The following HCN1 variants were observed in gnomAD, a reference collection of about 807,000 sequenced individuals.
The protein encoded by HCN1 is hyperpolarization activated cyclic nucleotide gated potassium channel 1, also known as potassium/sodium hyperpolarization-activated cyclic nucleotide-gated channel 1.
In HCN1, 13 loss-of-function variants were observed where a neutral mutation model predicts 78.9. That is an observed-to-expected ratio of 0.16 (90% CI 0.11 to 0.26). The LOEUF is 0.26. Among genes scored for constraint, HCN1 ranks in the 10% least tolerant of loss-of-function variants. The pLI is 1.00. For missense variants in HCN1, 810 were observed against 1,154.3 expected (o/e 0.70, Z 4.32); for synonymous variants, 552 against 455.5 (o/e 1.21, Z -2.70).
At chr5:45,496,721 T>C (rs910567014) in intron 2 of HCN1, among the ~76,000 whole-genome samples, 3 of 152,104 alleles carry the variant, frequency 2.0e-5, no homozygotes, top group African/African-American at 7.2e-5. Flanking sequence ...CTGCTCTGAT[T>C]TTAGTTATTT....
Position 45,645,472 on chromosome 5 carries a change from A to G in HCN1, c.562T>C (p.Leu188=). The G allele has an allele frequency of 1.2e-6, 2 of 1,613,712 alleles. No homozygotes were observed. Among genetic ancestry groups the G allele is most frequent in the Non-Finnish European group, 8.5e-7 (1 of 1,179,756 alleles). Residue 188 remains leucine, a synonymous_variant, in exon 2 of 8, where the codon TTG becomes CTG. Transcript: ENST00000303230. ...GTCCTAAAATTCATGATCAGGTCCA[A>G]TAGGAAAACTGTATCTGATGCCACA... is the stretch of plus-strand genomic sequence containing the variant. ...FNVASDTVFL[L]DLIMNFRTGT... is the part of the protein sequence containing the mutation.
At chr5:45,374,831 T>C (rs954807753) in intron 4 of HCN1, among the ~76,000 whole-genome samples, 6 of 147,348 alleles carry the variant, frequency 4.1e-5, no homozygotes, top group African/African-American at 1.5e-4. Context: ...GATAGATAGA[T>C]ATCTTTTTCT....
chr5:45,599,775 A>G, intron 2 of HCN1, among the ~76,000 whole-genome samples: 1 of 151,898 alleles, frequency 6.6e-6, no homozygotes, highest in African/African-American at 2.4e-5. Flanking sequence ...TTATCAATTA[A>G]GTTGTCTCTG....
chr5:45,478,166 T>C (rs565550747), intron 2 of HCN1, among the ~76,000 whole-genome samples: 89 of 152,062 alleles, frequency 5.9e-4, no homozygotes, highest in African/African-American at 2.0e-3. Context: ...AAAAAATTCA[T>C]ATACTTTGAA....
At chr5:45,411,932 T>C (rs1280606356) in intron 3 of HCN1, among the ~76,000 whole-genome samples, 1 of 152,124 alleles carries the variant, frequency 6.6e-6, no homozygotes, top group East Asian at 1.9e-4. Flanking sequence ...AATTATAATT[T>C]AATCAAGCAG....
chr5:45,346,867 T>C (rs1278075476), intron 5 of HCN1, among the ~76,000 whole-genome samples: 2 of 152,134 alleles, frequency 1.3e-5, no homozygotes, highest in Non-Finnish European at 2.9e-5. Flanking sequence ...CCGGGAAGCT[T>C]GAACTGGGTG....
At chr5:45,372,157 G>A (rs1747401446) in intron 4 of HCN1, among the ~76,000 whole-genome samples, 4 of 56,808 alleles carry the variant, frequency 7.0e-5, no homozygotes, top group African/African-American at 1.5e-4. Context: ...TATATAATAT[G>A]TTATTATATA....
At chr5:45,523,582 GT>G (rs1243265690) in intron 2 of HCN1, among the ~76,000 whole-genome samples, 1 of 152,132 alleles carries the variant, frequency 6.6e-6, no homozygotes, top group Non-Finnish European at 1.5e-5. Flanking sequence ...TCTCATTGTG[GT>G]TTTGATTTGC....
At chr5:45,515,289 T>C (rs1306982092) in intron 2 of HCN1, among the ~76,000 whole-genome samples, 1 of 151,990 alleles carries the variant, frequency 6.6e-6, no homozygotes, top group African/African-American at 2.4e-5. Flanking sequence ...TCAGAAGGTA[T>C]ACTATAATAC....
At chr5:45,508,800 T>C (rs926226586) in intron 2 of HCN1, among the ~76,000 whole-genome samples, 7 of 152,192 alleles carry the variant, frequency 4.6e-5, no homozygotes, top group Middle Eastern at 3.2e-3. Context: ...TATTGTATTA[T>C]TTAGTTTGAT....
intron 2 of HCN1, among the ~76,000 whole-genome samples, chr5:45,589,903 T>C (rs1400925492): frequency 6.6e-6 from 1 of 152,192 alleles, no homozygotes; most frequent in African/African-American, 2.4e-5. Context: ...CATGGGAACA[T>C]TGGGCACATC....
At chr5:45,422,928 A>C (rs1166512307) in intron 3 of HCN1, among the ~76,000 whole-genome samples, 1 of 152,124 alleles carries the variant, frequency 6.6e-6, no homozygotes, top group Non-Finnish European at 1.5e-5. Context: ...TAATGGGTGC[A>C]ATGACATATT....
intron 2 of HCN1, among the ~76,000 whole-genome samples, chr5:45,525,612 A>T (rs1742721586): frequency 6.6e-6 from 1 of 152,036 alleles, no homozygotes; most frequent in Non-Finnish European, 1.5e-5. Context: ...GTTTAAAATT[A>T]TGATTACCCC....
At chr5:45,352,276 C>CA (rs1746921532) in intron 5 of HCN1, among the ~76,000 whole-genome samples, 1 of 148,602 alleles carries the variant, frequency 6.7e-6, no homozygotes, top group Non-Finnish European at 1.5e-5. Flanking sequence ...ATCGGAAGGA[C>CA]AAAAAATCGA....
intron 1 of HCN1, among the ~76,000 whole-genome samples, chr5:45,671,436 C>T (rs1358843056): frequency 6.6e-6 from 1 of 151,186 alleles, no homozygotes; most frequent in South Asian, 2.1e-4. Flanking sequence ...TAGATAATCG[C>T]TTCACCCCAT....
chr5:45,388,709 C>T (rs573090165), intron 4 of HCN1, among the ~76,000 whole-genome samples: 1 of 152,200 alleles, frequency 6.6e-6, no homozygotes, highest in African/African-American at 2.4e-5. Context: ...CACAAATGGC[C>T]ATTTGGAGCA....
Position 45,458,784 on chromosome 5 carries a change from G to A in HCN1, c.1011+3062C>T, listed in dbSNP as rs1353187853. On this transcript the variant is annotated intron_variant, in intron 3 of 7. Coordinates refer to ENST00000303230, the MANE Select transcript of HCN1 (RefSeq NM_021072.4). ...AAACTTTAGTTTTTCTAGCCAAAAA[G>A]TGGGGCAAAATAATGTTTACCTCAT... Among the ~76,000 whole-genome samples, 4 of 152,056 alleles carry A rather than the reference G, an allele frequency of 2.6e-5. No homozygotes were observed. The East Asian group carries it at 5.8e-4, about 22-fold the overall frequency.
chr5:45,480,214 A>C (rs907254225), intron 2 of HCN1: 1 of 152,486 alleles, frequency 6.6e-6, no homozygotes, highest in South Asian at 2.1e-4. Flanking sequence ...ATTCTTCTAC[A>C]TCTAGCAACC....
intron 5 of HCN1, among the ~76,000 whole-genome samples, chr5:45,342,152 G>A (rs1746596221): frequency 6.6e-6 from 1 of 152,066 alleles, no homozygotes; most frequent in Non-Finnish European, 1.5e-5. Context: ...TGGAGCTTAT[G>A]TGGAGAAATG....
Sources: allele counts gnomAD v4.1 joint callset (sites outside exome capture counted in the v4.1 genomes callset), GRCh38; gene constraint gnomAD v4.1.1; transcripts MANE v1.5; gene names NCBI Gene and HGNC (gene_info 2026-07-23, HGNC 2026-07-21).